The following MMUT variants were observed in gnomAD, a reference collection of about 807,000 sequenced individuals.
MMUT encodes methylmalonyl-CoA mutase, mitochondrial.
A neutral mutation model predicts 79.9 loss-of-function variants in MMUT; 79 were observed. The observed-to-expected ratio is 0.99, with a 90% CI of 0.82 to 1.19. The LOEUF is 1.19. Ranked by LOEUF, MMUT falls within the 50% of genes most tolerant of loss-of-function variation. The pLI, the probability that MMUT is intolerant of heterozygous loss-of-function variation, is 0.00. For synonymous variants in MMUT, 273 were observed against 295.7 expected (o/e 0.92, Z 0.79); for missense variants, 860 against 917.2 (o/e 0.94, Z 0.81).
At position 49,440,273 on chromosome 6, in the gene MMUT, CCT is replaced by C; in HGVS notation, c.1887_1888del (p.Gly630SerfsTer10). The C allele has an allele frequency of 3.7e-6, 6 of 1,614,064 alleles. No individual in the cohort carries two copies. Among genetic ancestry groups the C allele is most frequent in the Non-Finnish European group, 5.1e-6 (6 of 1,179,974 alleles). The stretch of plus-strand genomic sequence containing the variant: ...AAATCCTGTAGCAATAACTTTTGCT[CCT>C]CTGTCATGGCCATCTTGTCCCATTT... On this transcript the variant is annotated frameshift_variant, in exon 11 of 13. Coordinates refer to ENST00000274813, the MANE Select transcript of MMUT (RefSeq NM_000255.4). LOFTEE classifies it high-confidence loss of function.
chr6:49,435,429 T>C, intron 12 of MMUT, 27 bp downstream of exon 12: 3 of 1,592,218 alleles, frequency 1.9e-6, no homozygotes, highest in Non-Finnish European at 1.7e-6. Flanking sequence ...CCCATCACAG[T>C]ACTAGAAAAA....
At chr6:49,443,462 T>C (rs1348796504) in intron 9 of MMUT, among the ~76,000 whole-genome samples, 1 of 152,108 alleles carries the variant, frequency 6.6e-6, no homozygotes, top group Non-Finnish European at 1.5e-5. Flanking sequence ...CAAAACCTGC[T>C]GATGTTATGG....
In MMUT at chr6:49,459,024, A is replaced by C; in HGVS notation, c.385+58T>G. 1.9e-6 allele frequency: 3 copies of C among 1,540,114 alleles called. No individual in the cohort carries two copies. In the South Asian group the frequency reaches 3.5e-5, roughly 18 times the overall value. ...TTACAGAGATTAACCCCCAAAAAATAAAAAACTAGGAGGCATATGACTTAT... is the reference window on the plus strand; with the variant it reads ...TTACAGAGATTAACCCCCAAAAAATCAAAAACTAGGAGGCATATGACTTAT... On this transcript the variant is annotated intron_variant, in intron 2 of 12. Transcript: ENST00000274813.
intron 4 of MMUT, among the ~76,000 whole-genome samples, chr6:49,455,147 T>A (rs968407363): frequency 1.1e-4 from 16 of 151,782 alleles, no homozygotes; most frequent in African/African-American, 3.9e-4. Flanking sequence ...TATATATATA[T>A]AATAAAAGCA....
intron 9 of MMUT, chr6:49,443,823 A>G (rs1767341226): frequency 6.8e-6 from 3 of 438,860 alleles, no homozygotes; most frequent in Admixed American, 5.0e-5. Flanking sequence ...TGAAGCAGAT[A>G]TAACATGAGA....
In MMUT at chr6:49,453,576, T is replaced by C; in HGVS notation, c.1083+9A>G. The stretch of plus-strand genomic sequence containing the variant: ...TATTAAAATTCTACATTTTAAATTA[T>C]ATACATACCTGCTCAGTAAGTGACC... On this transcript the variant is annotated intron_variant, in intron 5 of 12. Coordinates refer to ENST00000274813, the MANE Select transcript of MMUT (RefSeq NM_000255.4). 6.5e-7 allele frequency: 1 copy of C among 1,533,272 alleles called. No homozygotes were observed. Among genetic ancestry groups the C allele is most frequent in the African/African-American group, 1.4e-5 (1 of 73,208 alleles). The allele number at this position is 1,533,272 out of a possible 1,614,324, so 95.0% of individuals were successfully genotyped here.
intron 11 of MMUT, 112 bp from the exon 12 acceptor site, chr6:49,435,735 C>G: frequency 8.8e-7 from 1 of 1,142,724 alleles, no homozygotes; most frequent in Non-Finnish European, 1.2e-6. Context: ...TGGGCAAAGA[C>G]TTCATGATGA....
intron 8 of MMUT, 30 bp downstream of exon 8, chr6:49,447,640 A>T (rs1375927778): frequency 1.7e-6 from 2 of 1,198,106 alleles, no homozygotes; most frequent in Non-Finnish European, 2.4e-6. Flanking sequence ...AAAATACTTA[A>T]AAAAAAAAAA....
intron 9 of MMUT, among the ~76,000 whole-genome samples, chr6:49,443,089 A>G (rs1767319766): frequency 6.6e-6 from 1 of 152,168 alleles, no homozygotes; most frequent in Non-Finnish European, 1.5e-5. Flanking sequence ...ATTTAATGAT[A>G]CTGCCATATA....
chr6:49,459,011 A>AC, intron 2 of MMUT, 71 bp downstream of exon 2: 1 of 1,443,600 alleles, frequency 6.9e-7, no homozygotes, highest in Non-Finnish European at 9.6e-7. Flanking sequence ...ACAGAGATTA[A>AC]CCCCCAAAAA....
At chr6:49,462,438 T>A (rs926458991) in intron 1 of MMUT, among the ~76,000 whole-genome samples, 23 of 152,238 alleles carry the variant, frequency 1.5e-4, no homozygotes, top group African/African-American at 5.5e-4. Flanking sequence ...GATATTAGCA[T>A]AAGTACATCA....
chr6:49,462,899 T>A (rs1206942424), intron 1 of MMUT, among the ~76,000 whole-genome samples: 1 of 152,172 alleles, frequency 6.6e-6, no homozygotes, highest in East Asian at 1.9e-4. Context: ...GCCAGGGACT[T>A]CGCCCAAAAC....
chr6:49,455,428 A>G (rs1767661605), intron 4 of MMUT, among the ~76,000 whole-genome samples: 1 of 152,206 alleles, frequency 6.6e-6, no homozygotes, highest in Non-Finnish European at 1.5e-5. Flanking sequence ...CTGTCACAGT[A>G]AGTACACAAA....
At chr6:49,442,526 A>C (rs952006059) in intron 9 of MMUT, among the ~76,000 whole-genome samples, 4 of 152,120 alleles carry the variant, frequency 2.6e-5, no homozygotes, top group Admixed American at 6.6e-5. Context: ...AAATAACTAA[A>C]TAAATAAACT....
rs550909441 is a variant in MMUT at position 49,458,086 on chromosome 6, G to A, written c.386-28C>T. 7 of 1,595,848 alleles carry A rather than the reference G, an allele frequency of 4.4e-6. No homozygotes were observed. In the East Asian group the frequency reaches 1.6e-4, roughly 36 times the overall value. On this transcript the variant is annotated intron_variant, in intron 2 of 12. Transcript: ENST00000274813. ...AAATATATAAAGAAAAATAATGTAA[G>A]ATTCAAGAGTCTGGAATCAAGGTAA...
Position 49,431,743 on chromosome 6 carries a change from C to G in MMUT, c.2238G>C (p.Lys746Asn). The change falls in exon 13 of 13, where the codon AAG becomes AAC. Residue 746 changes from lysine to asparagine, a missense_variant. By Grantham distance (94) the Lys-to-Asn change is moderately conservative. Transcript: ENST00000274813. ...LDDIEKCLEK[K>N]QQSV ...AAAGAGGATATTATACAGATTGCTG[C>G]TTCTTTTCCAAACACTTCTCAATAT... The G allele has an allele frequency of 6.2e-7, 1 of 1,613,828 alleles. No homozygotes were observed. Among genetic ancestry groups the G allele is most frequent in the African/African-American group, 1.3e-5 (1 of 75,020 alleles).
chr6:49,445,223 T>C (rs1767381724), intron 8 of MMUT, among the ~76,000 whole-genome samples: 1 of 152,202 alleles, frequency 6.6e-6, no homozygotes, highest in Non-Finnish European at 1.5e-5. Context: ...TGCATATTGC[T>C]ATACTTTTAT....
At chr6:49,435,683 C>A in intron 11 of MMUT, 60 bp from the exon 12 acceptor site, 1 of 1,537,104 alleles carries the variant, frequency 6.5e-7, no homozygotes, top group Non-Finnish European at 8.9e-7. Flanking sequence ...ACTATAAAAA[C>A]CCTGGAAGAC....
intron 9 of MMUT, among the ~76,000 whole-genome samples, 161 bp downstream of exon 9, chr6:49,444,478 C>A (rs1435177061): frequency 6.6e-6 from 1 of 152,056 alleles, no homozygotes; most frequent in East Asian, 1.9e-4. Context: ...GTTTTAAATA[C>A]AGAAATTTTA....
Sources: gnomAD v4.1 joint callset for allele counts (sites outside exome capture counted in the v4.1 genomes callset) on GRCh38, gnomAD v4.1.1 for gene constraint, MANE v1.5 for transcripts, NCBI Gene and HGNC (gene_info 2026-07-23, HGNC 2026-07-21) for gene names.